Variants in CD27 observed in about 807,000 individuals in gnomAD.
CD27 encodes CD27 antigen.
CD27 carries 16 observed loss-of-function variants against 25.9 expected under a neutral mutation model. The ratio of observed to expected loss-of-function variants is 0.62; its 90% CI spans 0.42 to 0.94. CD27 has a LOEUF of 0.94. Among genes scored for constraint, CD27 ranks in the 40% least tolerant of loss-of-function variants. CD27 has a pLI of 0.00. For missense variants in CD27, 300 were observed against 333.2 expected (o/e 0.90, Z 0.78); for synonymous variants, 142 against 124.3 (o/e 1.14, Z -0.95).
At position 6,450,617 on chromosome 12, in the gene CD27, T is replaced by C. The variant is rs1410684932; in HGVS notation, c.525T>C (p.Ser175=). 3.1e-6 allele frequency: 5 copies of C among 1,612,408 alleles called. No individual in the cohort carries two copies. Among genetic ancestry groups the C allele is most frequent in the African/African-American group, 2.7e-5 (2 of 75,054 alleles). ...GGCAGCTGCCTGCCCGGACTCTCTC[T>C]ACCCACTGGCCACGTGAGTTTTCTC... ...DFRQLPARTL[S]THWPPQRSLC... The change falls in exon 4 of 6, where the codon TCT becomes TCC. Residue 175 remains serine, a synonymous_variant. Transcript: ENST00000266557. The surrounding 1 kb of genome is among the most constrained non-coding windows in gnomAD (Gnocchi z 4.1).
Position 6,445,352 on chromosome 12 carries a change from G to T in CD27, c.137-72G>T. 6.2e-7 allele frequency: 1 copy of T among 1,609,030 alleles called. No homozygotes were observed. Among genetic ancestry groups the T allele is most frequent in the South Asian group, 1.1e-5 (1 of 90,836 alleles). ...CAAGGAGGGAAATCCTGCAGCTGTG[G>T]GGAGGCACCACCTTGAAGAGGGCAG... On this transcript the variant is annotated intron_variant, in intron 1 of 5. Coordinates refer to ENST00000266557, the MANE Select transcript of CD27 (RefSeq NM_001242.5). This position sits in a 1 kb window ranked among gnomAD's most constrained non-coding sequence, Gnocchi z 4.5.
chr12:6,450,259 G>A lies in CD27; in HGVS notation c.355G>A (p.Glu119Lys), dbSNP rs1312232245. The change falls in exon 3 of 6, where the codon GAG becomes AAG. Residue 119 changes from glutamate (E) to lysine (K), a missense_variant. By Grantham distance (56) the Glu-to-Lys change is moderately conservative. Coordinates refer to ENST00000266557, the MANE Select transcript of CD27 (RefSeq NM_001242.5). The surrounding 1 kb of genome is among the most constrained non-coding windows in gnomAD (Gnocchi z 4.1). ...GWQCRDKECT[E>K]CDPLPNPSLT... ...GCAGTGCAGGGACAAGGAGTGCACC[G>A]AGTGTGATCCTCTTCCAAACCCTTC... 5 of 1,613,798 alleles carry A rather than the reference G, an allele frequency of 3.1e-6. No individual in the cohort carries two copies. Among genetic ancestry groups the A allele is most frequent in the Middle Eastern group, 1.6e-4 (1 of 6,084 alleles).
chr12:6,445,582 G>A lies in CD27; in HGVS notation c.268+27G>A. On this transcript the variant is annotated intron_variant, in intron 2 of 5. Transcript: ENST00000266557. This position sits in a 1 kb window ranked among gnomAD's most constrained non-coding sequence, Gnocchi z 4.5. ...TGAGGTGGGCAAGGGTGTGTAGGTG[G>A]GGACGATGGACAAGCATCTGGGGGA... 6.2e-7 allele frequency: 1 copy of A among 1,609,758 alleles called. No homozygotes were observed. Among genetic ancestry groups the A allele is most frequent in the Non-Finnish European group, 8.5e-7 (1 of 1,178,936 alleles).
In CD27 at chr12:6,450,007, T is replaced by A. The variant is rs185625865; in HGVS notation, c.269-166T>A. Among the ~76,000 whole-genome samples, 1 of 152,166 alleles carries A rather than the reference T, an allele frequency of 6.6e-6. No individual in the cohort carries two copies. ...AATAACAATAATAATGGCAAAGGCA[T>A]TGGGGGACCGTGAGCAAAGGGCAGG... On this transcript the variant is annotated intron_variant, in intron 2 of 5. Coordinates refer to ENST00000266557, the MANE Select transcript of CD27 (RefSeq NM_001242.5). The surrounding 1 kb of genome is among the most constrained non-coding windows in gnomAD (Gnocchi z 4.1).
In CD27 at chr12:6,445,494, C is replaced by T; in HGVS notation, c.207C>T (p.Val69=). 9.3e-6 allele frequency: 15 copies of T among 1,614,070 alleles called. No homozygotes were observed. The highest frequency in any genetic ancestry group is 1.3e-5 in the Non-Finnish European group (15 of 1,180,036). The change falls in exon 2 of 6, where the codon GTC becomes GTT. Residue 69 remains valine, a synonymous_variant. Coordinates refer to ENST00000266557, the MANE Select transcript of CD27 (RefSeq NM_001242.5). The surrounding 1 kb of genome is among the most constrained non-coding windows in gnomAD (Gnocchi z 4.5). ...AAQCDPCIPG[V]SFSPDHHTRP... ...AGTGTGATCCTTGCATACCGGGGGT[C>T]TCCTTCTCTCCTGACCACCACACCC...
Position 6,450,396 on chromosome 12 carries a change from T to C in CD27, c.448+44T>C, listed in dbSNP as rs762215347. On this transcript the variant is annotated intron_variant, in intron 3 of 5. Transcript: ENST00000266557. The surrounding 1 kb of genome is among the most constrained non-coding windows in gnomAD (Gnocchi z 4.1). ...TCTGTGCCATCACGTGGGGTAGCGG[T>C]GATACCCCAACCAGTACTCCCCACT... 7.7e-6 allele frequency: 12 copies of C among 1,567,982 alleles called. No individual in the cohort carries two copies. In the South Asian group the frequency reaches 1.3e-4, roughly 18 times the overall value.
rs1488799159 is a variant in CD27, at chr12:6,450,159, C to G, written c.269-14C>G. The stretch of plus-strand genomic sequence containing the variant: ...TCTGAGTGTCCTATGCTCCCTGGGC[C>G]TCTCTTCCCCCAGGTCTTCTCGTTC... On this transcript the variant is annotated splice_polypyrimidine_tract_variant and intron_variant, in intron 2 of 5. Transcript: ENST00000266557. The surrounding 1 kb of genome is among the most constrained non-coding windows in gnomAD (Gnocchi z 4.1). 3 of 1,607,174 alleles carry G rather than the reference C, an allele frequency of 1.9e-6. No homozygotes were observed. In the East Asian group the frequency reaches 6.7e-5, roughly 36 times the overall value.
chr12:6,450,128 C>T lies in CD27; in HGVS notation c.269-45C>T. The T allele has an allele frequency of 6.4e-7, 1 of 1,569,244 alleles. No individual in the cohort carries two copies. Among genetic ancestry groups the T allele is most frequent in the Non-Finnish European group, 8.7e-7 (1 of 1,154,734 alleles). ...GAAGCAAGTGGACCTTGAAGGTCTC[C>T]ACAGGTCTGAGTGTCCTATGCTCCC... On this transcript the variant is annotated intron_variant, in intron 2 of 5. Transcript: ENST00000266557. The surrounding 1 kb of genome is among the most constrained non-coding windows in gnomAD (Gnocchi z 4.1).
chr12:6,445,195 G>A lies in CD27; in HGVS notation c.100G>A (p.Ala34Thr), dbSNP rs1454594029. 1 of 1,613,758 alleles carries A rather than the reference G, an allele frequency of 6.2e-7. No homozygotes were observed. Among genetic ancestry groups the A allele is most frequent in the Non-Finnish European group, 8.5e-7 (1 of 1,179,860 alleles). ...GAGCTGCCCAGAGAGGCACTACTGG[G>A]CTCAGGGAAAGCTGTGCTGCCAGAT... ...PKSCPERHYWAQGKLCCQMCE... is the reference protein window; with the variant it reads ...PKSCPERHYWTQGKLCCQMCE... Residue 34 changes from alanine to threonine, a missense_variant, in exon 1 of 6, where the codon GCT (alanine) becomes ACT (threonine). Physicochemically the swap from Ala to Thr is moderately conservative, Grantham distance 58. Transcript: ENST00000266557. The surrounding 1 kb of genome is among the most constrained non-coding windows in gnomAD (Gnocchi z 4.5).
intron 2 of CD27, among the ~76,000 whole-genome samples, chr12:6,449,837 C>T (rs961968720): frequency 3.3e-5 from 5 of 151,758 alleles, no homozygotes; most frequent in Non-Finnish European, 5.9e-5. Flanking sequence ...GCAACAAGAG[C>T]GAGACTCCAT....
intron 2 of CD27, among the ~76,000 whole-genome samples, chr12:6,449,707 G>A (rs867981871): frequency 9.9e-5 from 15 of 151,950 alleles, no homozygotes; most frequent in Middle Eastern, 3.4e-3. Flanking sequence ...AAAATTAGCC[G>A]GGTGTGGTGG....
chr12:6,448,636 A>ATGGG lies in CD27; in HGVS notation c.269-1537_269-1536insTGGG, dbSNP rs1592120096. The ATGGG allele has an allele frequency of 2.0e-5, 3 of 152,322 alleles. No individual in the cohort carries two copies. In the South Asian group the frequency reaches 6.2e-4, roughly 32 times the overall value. 9.4% of individuals were successfully genotyped at this position (152,322 alleles called of 1,614,324 possible). A position where few individuals can be genotyped will look rare whatever the true frequency, so the allele number is the denominator to read the frequency against. On this transcript the variant is annotated intron_variant, in intron 2 of 5. Transcript: ENST00000266557. The stretch of plus-strand genomic sequence containing the variant: ...AAAAATTAGCCAGGTGTGGTGGCAC[A>ATGGG]CACCTGTAATCCCAGCTACTAGGGA...
At position 6,450,184 on chromosome 12, in the gene CD27, C is replaced by G. The variant is rs570614972; in HGVS notation, c.280C>G (p.Arg94Gly). ...CRHCNSGLLV[R>G]NCTITANAEC... is the part of the protein sequence containing the mutation. ...CTCTCTTCCCCCAGGTCTTCTCGTT[C>G]GCAACTGCACCATCACTGCCAATGC... The change falls in exon 3 of 6, where the codon CGC becomes GGC. Residue 94 changes from arginine to glycine, a missense_variant. Coordinates refer to ENST00000266557, the MANE Select transcript of CD27 (RefSeq NM_001242.5). The surrounding 1 kb of genome is among the most constrained non-coding windows in gnomAD (Gnocchi z 4.1). 1.9e-6 allele frequency: 3 copies of G among 1,612,286 alleles called. No individual in the cohort carries two copies. Among genetic ancestry groups the G allele is most frequent in the Admixed American group, 1.7e-5 (1 of 59,996 alleles).
Position 6,445,331 on chromosome 12 carries a change from G to A in CD27, c.137-93G>A. The A allele has an allele frequency of 1.9e-6, 3 of 1,608,432 alleles. No individual in the cohort carries two copies. Among genetic ancestry groups the A allele is most frequent in the South Asian group, 1.1e-5 (1 of 90,790 alleles). ...CAGGGTGAGACTGAGCTCAAGCAAG[G>A]AGGGAAATCCTGCAGCTGTGGGGAG... is the stretch of plus-strand genomic sequence containing the variant. On this transcript the variant is annotated intron_variant, in intron 1 of 5. Coordinates refer to ENST00000266557, the MANE Select transcript of CD27 (RefSeq NM_001242.5). The surrounding 1 kb of genome is among the most constrained non-coding windows in gnomAD (Gnocchi z 4.5).
Position 6,450,780 on chromosome 12 carries a change from G to A in CD27, c.539-115G>A. Reference sequence around the variant, plus strand: ...AGGAGAGGAGTTGGCCAACGGTGGCGGGTGGGATAGAATAAGGTGGGGGAA... The same window carrying A: ...AGGAGAGGAGTTGGCCAACGGTGGCAGGTGGGATAGAATAAGGTGGGGGAA... On this transcript the variant is annotated intron_variant, in intron 4 of 5. Transcript: ENST00000266557. This position sits in a 1 kb window ranked among gnomAD's most constrained non-coding sequence, Gnocchi z 4.1. 2.0e-6 allele frequency: 3 copies of A among 1,493,102 alleles called. No individual in the cohort carries two copies. The highest frequency in any genetic ancestry group is 2.8e-6 in the Non-Finnish European group (3 of 1,084,672). 92.5% of individuals were successfully genotyped at this position (1,493,102 alleles called of 1,614,324 possible). A position where few individuals can be genotyped will look rare whatever the true frequency, so the allele number is the denominator to read the frequency against.
intron 2 of CD27, among the ~76,000 whole-genome samples, chr12:6,446,457 G>C (rs897201389): frequency 1.3e-5 from 2 of 152,192 alleles, no homozygotes; most frequent in Non-Finnish European, 2.9e-5. Context: ...GTGAGCTGTA[G>C]TGCCTGGTCC....
rs1949547823 is a variant in CD27, at chr12:6,451,496, T to C, written c.*104T>C. ...GGCAGCCACAACTGCAGTCCCATCC[T>C]CTTGTCAGGGCCCTTTCCTGTGTAC... On this transcript the variant is annotated 3_prime_UTR_variant, in exon 6 of 6. Transcript: ENST00000266557. 1.6e-6 allele frequency: 2 copies of C among 1,242,688 alleles called. No individual in the cohort carries two copies. The highest frequency in any genetic ancestry group is 4.8e-5 in the East Asian group (2 of 41,410). 77.0% of individuals were successfully genotyped at this position (1,242,688 alleles called of 1,614,324 possible).
chr12:6,449,807 G>A (rs559445060), intron 2 of CD27, among the ~76,000 whole-genome samples: 152 of 152,088 alleles, frequency 1.0e-3, no homozygotes, highest in East Asian at 1.9e-4. Flanking sequence ...CCAAGGTCAC[G>A]CCATTGCACT....
intron 2 of CD27, among the ~76,000 whole-genome samples, chr12:6,449,825 C>G (rs1010024664): frequency 6.6e-6 from 1 of 151,640 alleles, no homozygotes; most frequent in African/African-American, 2.4e-5. Flanking sequence ...ACTCCAGCCT[C>G]GGCAACAAGA....
Sources: allele counts gnomAD v4.1 joint callset (sites outside exome capture counted in the v4.1 genomes callset), GRCh38; gene constraint gnomAD v4.1.1; non-coding constraint Gnocchi (gnomAD v3.1); transcripts MANE v1.5; gene names NCBI Gene and HGNC (gene_info 2026-07-23, HGNC 2026-07-21).